DOCK5: variants seen among roughly 807,000 people sequenced by gnomAD.
DOCK5 encodes the protein dedicator of cytokinesis protein 5.
In DOCK5, 142 loss-of-function variants were observed where a neutral mutation model predicts 251.8. The ratio of observed to expected loss-of-function variants is 0.56; its 90% confidence interval spans 0.49 to 0.65. The LOEUF (loss-of-function observed/expected upper bound fraction) is 0.65. Among genes scored for constraint, DOCK5 ranks in the 30% least tolerant of loss-of-function variants. DOCK5 has a pLI of 0.00. For missense variants in DOCK5, 2,111 were observed against 2,312.3 expected, an observed-to-expected ratio of 0.91 and a Z score of 1.79; for synonymous variants, 842 against 835.5, an observed-to-expected ratio of 1.01 and a Z score of -0.13.
chr8:25,298,954 A>G lies in DOCK5; in HGVS notation c.617A>G (p.Gln206Arg), dbSNP rs201076756. The change falls in exon 8 of 52, where the codon CAG (glutamine) becomes CGG (arginine). Residue 206 changes from glutamine to arginine, a missense_variant. Physicochemically the swap from Gln to Arg is conservative, Grantham distance 43. Around this residue, in one of 3 missense-constraint regions of DOCK5, gnomAD observed 335 missense variants for 324.9 expected, o/e 1.03. Transcript: ENST00000276440. ...TCCCTCTTTGTTCAGTCAATCCTGC[A>G]GAACCTCGATTTGCGGGGCCAGTCC... ...EKIQEEKSIL[Q>R]NLDLRGQSIF... The G allele has an allele frequency of 6.8e-6, 11 of 1,612,060 alleles. No individual in the cohort carries two copies. Among genetic ancestry groups the G allele is most frequent in the Middle Eastern group, 3.3e-4 (2 of 6,056 alleles).
chr8:25,219,935 C>T (rs1284237582), intron 1 of DOCK5, among the ~76,000 whole-genome samples: 1 of 151,796 alleles, frequency 6.6e-6, no homozygotes, highest in Non-Finnish European at 1.5e-5. Flanking sequence ...TTTCTTCTTA[C>T]TCATTTTGTA....
chr8:25,189,042 C>CTTTTTTTTTTTTTTTTT (rs1432735816), intron 1 of DOCK5, among the ~76,000 whole-genome samples: 1 of 97,642 alleles, frequency 1.0e-5, no homozygotes, highest in African/African-American at 3.4e-5. Context: ...TTCTTTCTTT[C>CTTTTTTTTTTTTTTTTT]TTTCTTTTTT....
chr8:25,201,787 G>A (rs926802957), intron 1 of DOCK5, among the ~76,000 whole-genome samples: 8 of 152,278 alleles, frequency 5.3e-5, no homozygotes, highest in Non-Finnish European at 8.8e-5. Context: ...GTACGTGATA[G>A]CTATCTGAAA....
At chr8:25,324,055 T>G (rs1436043840) in intron 17 of DOCK5, 104 bp downstream of exon 17, 15 of 1,272,954 alleles carry the variant, frequency 1.2e-5, no homozygotes, top group Non-Finnish European at 1.6e-5. Context: ...TTTCTAGAGC[T>G]TTCTGTACTT....
chr8:25,388,240 A>G (rs1801198708), intron 40 of DOCK5, among the ~76,000 whole-genome samples: 1 of 152,190 alleles, frequency 6.6e-6, no homozygotes, highest in Non-Finnish European at 1.5e-5. Context: ...TCTTTGTGCA[A>G]TACATATTTT....
intron 1 of DOCK5, among the ~76,000 whole-genome samples, chr8:25,201,649 T>C (rs1383563768): frequency 1.3e-5 from 2 of 152,174 alleles, no homozygotes; most frequent in African/African-American, 4.8e-5. Context: ...AGTAGTTGCT[T>C]GTGGCTGGGA....
intron 31 of DOCK5, 77 bp downstream of exon 31, chr8:25,367,047 C>A: frequency 1.5e-6 from 2 of 1,306,378 alleles, no homozygotes; most frequent in South Asian, 1.3e-5. Context: ...TTTTAGGTAT[C>A]ACAGAAATTA....
At chr8:25,239,235 G>A (rs1437291681) in intron 1 of DOCK5, among the ~76,000 whole-genome samples, 2 of 152,014 alleles carry the variant, frequency 1.3e-5, no homozygotes, top group Non-Finnish European at 2.9e-5. Flanking sequence ...AGATAATTAC[G>A]GGCTGGGACA....
chr8:25,380,712 A>G (rs1213724761), intron 39 of DOCK5, among the ~76,000 whole-genome samples: 1 of 152,164 alleles, frequency 6.6e-6, no homozygotes, highest in African/African-American at 2.4e-5. Flanking sequence ...CAGCTCTCTC[A>G]TTCTTCCTGA....
intron 4 of DOCK5, 46 bp from the exon 5 acceptor site, chr8:25,278,523 T>C (rs1429667020): frequency 6.3e-7 from 1 of 1,583,204 alleles, no homozygotes; most frequent in Admixed American, 1.7e-5. Context: ...AGTAAAGCAG[T>C]GCTGATCAGC....
chr8:25,218,909 AG>A (rs1802315287), intron 1 of DOCK5, among the ~76,000 whole-genome samples: 1 of 152,224 alleles, frequency 6.6e-6, no homozygotes, highest in African/African-American at 2.4e-5. Context: ...TAAAAATCCA[AG>A]GAGCACTAAC....
At chr8:25,377,016 C>T (rs1472392653) in intron 37 of DOCK5, among the ~76,000 whole-genome samples, 1 of 152,038 alleles carries the variant, frequency 6.6e-6, no homozygotes, top group Non-Finnish European at 1.5e-5. Flanking sequence ...CTAATTTGTT[C>T]CTTTTATCTG....
chr8:25,201,234 C>CATTA (rs1801872847), intron 1 of DOCK5, among the ~76,000 whole-genome samples: 2 of 152,170 alleles, frequency 1.3e-5, no homozygotes, highest in African/African-American at 4.8e-5. Flanking sequence ...GTGAATAAAC[C>CATTA]ATTAGCCTCA....
Position 25,296,657 on chromosome 8 carries a change from C to T in DOCK5, c.606+9C>T, listed in dbSNP as rs73673885. 10,806 of 1,611,736 alleles carry T rather than the reference C, an allele frequency of 6.7e-3. 630 individuals carry two copies. The African/African-American group carries it at 0.12, about 19-fold the overall frequency. On this transcript the variant is annotated intron_variant, in intron 7 of 51. Transcript: ENST00000276440. The stretch of plus-strand genomic sequence containing the variant: ...AGATCCAAGAAGAGAAGGTACAGTT[C>T]CTCAAATGTGAAATTCTGCCCACTG...
At chr8:25,188,528 G>C (rs985782107) in intron 1 of DOCK5, among the ~76,000 whole-genome samples, 2 of 152,166 alleles carry the variant, frequency 1.3e-5, no homozygotes, top group African/African-American at 4.8e-5. Flanking sequence ...GCTGGCAGTC[G>C]CTACTGTCAT....
chr8:25,322,705 G>T (rs1032677756), intron 16 of DOCK5, among the ~76,000 whole-genome samples: 1 of 152,168 alleles, frequency 6.6e-6, no homozygotes, highest in Non-Finnish European at 1.5e-5. Flanking sequence ...TATACACAAA[G>T]AAACTAAGGC....
chr8:25,384,459 A>ATTTG (rs1208387306), intron 40 of DOCK5, among the ~76,000 whole-genome samples: 2 of 65,704 alleles, frequency 3.0e-5, no homozygotes, highest in Non-Finnish European at 5.8e-5. Context: ...TTATTTATTT[A>ATTTG]TTTATTTTTT....
intron 27 of DOCK5, among the ~76,000 whole-genome samples, chr8:25,358,375 C>T (rs1407549764): frequency 3.3e-5 from 5 of 152,134 alleles, no homozygotes; most frequent in Admixed American, 1.3e-4. Flanking sequence ...TGAGTGTAAC[C>T]GTTCCCATGA....
chr8:25,352,466 G>T (rs1385850020), intron 27 of DOCK5, among the ~76,000 whole-genome samples: 2 of 152,104 alleles, frequency 1.3e-5, no homozygotes, highest in Non-Finnish European at 2.9e-5. Context: ...CTAAACAGAT[G>T]CCGGGTAACA....
Sources: gnomAD v4.1 joint callset for allele counts (sites outside exome capture counted in the v4.1 genomes callset) on GRCh38, gnomAD v4.1.1 for gene constraint, gnomAD v4.1.1 regional missense constraint, MANE v1.5 for transcripts, NCBI Gene and HGNC (gene_info 2026-07-23, HGNC 2026-07-21) for gene names.